EFNA5: variants seen among roughly 807,000 people sequenced by gnomAD.
EFNA5 encodes the protein ephrin-A5.
In EFNA5, 5 loss-of-function variants were observed where a neutral mutation model predicts 22.9. The ratio of observed to expected loss-of-function variants is 0.22; its 90% confidence interval spans 0.11 to 0.46. The LOEUF is 0.46. EFNA5 is among the 20% of genes least tolerant of loss of function. The probability of loss-of-function intolerance (pLI) is 0.99; values close to 1 mark genes in which losing one functional copy is unlikely to be tolerated. For synonymous variants in EFNA5, 113 were observed against 112.2 expected (o/e 1.01, Z -0.04); for missense variants, 237 against 293.3 (o/e 0.81, Z 1.40).
chr5:107,503,291 AAT>A (rs1747177614), intron 1 of EFNA5, among the ~76,000 whole-genome samples: 1 of 152,216 alleles, frequency 6.6e-6, no homozygotes, highest in African/African-American at 2.4e-5. Flanking sequence ...TGATGTTTTG[AAT>A]ATGTTTTGCC....
intron 1 of EFNA5, among the ~76,000 whole-genome samples, chr5:107,639,900 C>T (rs1427739084): frequency 2.0e-5 from 3 of 152,100 alleles, no homozygotes; most frequent in African/African-American, 7.2e-5. Context: ...CCTAATACTG[C>T]ACCCTAGAGA....
chr5:107,670,321 C>A (rs1751163885), intron 1 of EFNA5, among the ~76,000 whole-genome samples, 168 bp downstream of exon 1: 1 of 152,250 alleles, frequency 6.6e-6, no homozygotes, highest in East Asian at 2.0e-4. Flanking sequence ...CAAAGAGGGG[C>A]GCGACGCGAG....
At chr5:107,383,248 T>C (rs1304766528) in intron 4 of EFNA5, among the ~76,000 whole-genome samples, 2 of 152,194 alleles carry the variant, frequency 1.3e-5, no homozygotes, top group African/African-American at 4.8e-5. Context: ...GGAGTGATTT[T>C]AGCTTAGGAG....
chr5:107,512,486 T>A (rs1747392622), intron 1 of EFNA5, among the ~76,000 whole-genome samples: 1 of 152,096 alleles, frequency 6.6e-6, no homozygotes, highest in African/African-American at 2.4e-5. Flanking sequence ...TTACAGTTCT[T>A]GTAGGCCATC....
chr5:107,439,475 A>G (rs1749200665), intron 1 of EFNA5, among the ~76,000 whole-genome samples: 3 of 152,286 alleles, frequency 2.0e-5, no homozygotes, highest in Admixed American at 2.0e-4. Flanking sequence ...CATTGCTCTC[A>G]GTGACTTCAG....
chr5:107,436,404 G>A, intron 1 of EFNA5, among the ~76,000 whole-genome samples: 1 of 152,166 alleles, frequency 6.6e-6, no homozygotes, highest in African/African-American at 2.4e-5. Flanking sequence ...AACGTCAACA[G>A]GGCCAAGTCA....
At chr5:107,527,287 T>C (rs910173588) in intron 1 of EFNA5, among the ~76,000 whole-genome samples, 9 of 135,036 alleles carry the variant, frequency 6.7e-5, no homozygotes, top group Non-Finnish European at 1.2e-4. Context: ...TTTTTTCTTT[T>C]TTCTTTTTTT....
intron 1 of EFNA5, among the ~76,000 whole-genome samples, chr5:107,504,342 TA>T (rs1248425414): frequency 5.3e-5 from 8 of 151,888 alleles, no homozygotes; most frequent in Non-Finnish European, 1.2e-4. Context: ...TGCTGTTAAG[TA>T]AAGCAAAATG....
At chr5:107,553,925 T>G (rs1483315405) in intron 1 of EFNA5, among the ~76,000 whole-genome samples, 1 of 152,220 alleles carries the variant, frequency 6.6e-6, no homozygotes, top group East Asian at 1.9e-4. Context: ...CCTAGTAACT[T>G]CTTCCACACA....
At chr5:107,636,591 A>G (rs1750377574) in intron 1 of EFNA5, among the ~76,000 whole-genome samples, 1 of 152,244 alleles carries the variant, frequency 6.6e-6, no homozygotes, top group Admixed American at 6.5e-5. Flanking sequence ...ATGTATTTCC[A>G]GAAGAGTTAC....
chr5:107,555,487 A>C (rs574332943), intron 1 of EFNA5, among the ~76,000 whole-genome samples: 1 of 152,322 alleles, frequency 6.6e-6, no homozygotes, highest in African/African-American at 2.4e-5. Context: ...TTGAGGCTGA[A>C]GTCATCAATG....
chr5:107,410,218 G>C (rs1748330815), intron 2 of EFNA5, among the ~76,000 whole-genome samples: 1 of 151,964 alleles, frequency 6.6e-6, no homozygotes, highest in Non-Finnish European at 1.5e-5. Context: ...TTTTAGTAGA[G>C]ACGGGGTTTC....
chr5:107,502,412 C>T (rs1747156088), intron 1 of EFNA5, among the ~76,000 whole-genome samples: 1 of 152,158 alleles, frequency 6.6e-6, no homozygotes, highest in African/African-American at 2.4e-5. Context: ...TTATCTAGCA[C>T]ATCTTCCCTA....
chr5:107,384,084 C>G (rs569914643), intron 4 of EFNA5, among the ~76,000 whole-genome samples: 1 of 152,132 alleles, frequency 6.6e-6, no homozygotes, highest in African/African-American at 2.4e-5. Flanking sequence ...TCTACAGCCC[C>G]CAAATGTGAA....
intron 1 of EFNA5, among the ~76,000 whole-genome samples, chr5:107,547,675 A>G (rs766897976): frequency 8.1e-5 from 12 of 148,896 alleles, no homozygotes; most frequent in Non-Finnish European, 1.2e-4. Context: ...ATACATTTAC[A>G]TGAAGTCCCT....
chr5:107,381,215 C>A lies in EFNA5; in HGVS notation c.*40G>T, dbSNP rs770076849. On this transcript the variant is annotated 3_prime_UTR_variant, in exon 5 of 5. Coordinates refer to ENST00000333274, the MANE Select transcript of EFNA5 (RefSeq NM_001962.3). ...TAGGTGGATCTCTGGTGTTCCAAGA[C>A]CCTGATGTTTTCTGTGACAAGTGAT... 5.0e-6 allele frequency: 8 copies of A among 1,590,322 alleles called. No individual in the cohort carries two copies. Among genetic ancestry groups the A allele is most frequent in the Non-Finnish European group, 6.9e-6 (8 of 1,162,106 alleles).
intron 1 of EFNA5, among the ~76,000 whole-genome samples, chr5:107,607,586 C>G (rs945525536): frequency 6.6e-6 from 1 of 152,128 alleles, no homozygotes; most frequent in Non-Finnish European, 1.5e-5. Flanking sequence ...TAAATCAATA[C>G]TCATCATGAC....
chr5:107,498,981 T>TATGTATGC (rs1481491923), intron 1 of EFNA5, among the ~76,000 whole-genome samples: 2 of 152,020 alleles, frequency 1.3e-5, no homozygotes, highest in Non-Finnish European at 2.9e-5. Flanking sequence ...TGTATGTATG[T>TATGTATGC]ATGTATGTAT....
intron 1 of EFNA5, among the ~76,000 whole-genome samples, chr5:107,593,544 T>G (rs1284382409): frequency 6.6e-6 from 1 of 152,150 alleles, no homozygotes; most frequent in Non-Finnish European, 1.5e-5. Flanking sequence ...CCACGCTGGC[T>G]GCACATCAGA....
Sources: gnomAD v4.1 joint callset for allele counts (sites outside exome capture counted in the v4.1 genomes callset) on GRCh38, gnomAD v4.1.1 for gene constraint, MANE v1.5 for transcripts, NCBI Gene and HGNC (gene_info 2026-07-23, HGNC 2026-07-21) for gene names.